IKBIP: variants seen among roughly 807,000 people sequenced by gnomAD.
IKBIP encodes the protein IKBKB interacting protein.
IKBIP carries 28 observed loss-of-function variants against 31.0 expected under a neutral mutation model. The ratio of observed to expected loss-of-function variants is 0.90; its 90% confidence interval spans 0.67 to 1.24. IKBIP has a LOEUF of 1.24. Ranked by LOEUF, IKBIP falls within the 50% of genes most tolerant of loss-of-function variation. The pLI is 0.00. For missense variants in IKBIP, 453 were observed against 441.9 expected (o/e 1.03, Z -0.23); for synonymous variants, 164 against 160.3 (o/e 1.02, Z -0.17).
At chr12:98,627,439 CTTTTTTTT>C (rs11314734) in intron 2 of IKBIP, among the ~76,000 whole-genome samples, 1 of 119,634 alleles carries the variant, frequency 8.4e-6, no homozygotes, top group Non-Finnish European at 1.7e-5. Flanking sequence ...TTTTCTTTTT[CTTTTTTTT>C]TTTTTTTTTG....
At chr12:98,643,812 G>GTTTTTTTTTTT (rs773132320) in intron 1 of IKBIP, among the ~76,000 whole-genome samples, 3 of 131,106 alleles carry the variant, frequency 2.3e-5, no homozygotes, top group African/African-American at 8.6e-5. Context: ...TAATGATATG[G>GTTTTTTTTTTT]TTTTCTTTTT....
chr12:98,614,251 T>TA lies in IKBIP; in HGVS notation c.386dup (p.Thr131AsnfsTer5). 1 of 1,612,786 alleles carries TA rather than the reference T, an allele frequency of 6.2e-7. No individual in the cohort carries two copies. The highest frequency in any genetic ancestry group is 8.5e-7 in the Non-Finnish European group (1 of 1,179,138). ...CAGTTATCCTATTGGACCAAGTTTTTACCTCATTAATTTCTTCCTGTAGAC... is the reference window on the plus strand; with the variant it reads ...CAGTTATCCTATTGGACCAAGTTTTTAACCTCATTAATTTCTTCCTGTAGAC... On this transcript the variant is annotated frameshift_variant, in exon 3 of 3. Transcript: ENST00000342502. LOFTEE classifies it high-confidence loss of function.
chr12:98,618,737 C>T (rs1388583736), intron 2 of IKBIP, among the ~76,000 whole-genome samples: 1 of 152,150 alleles, frequency 6.6e-6, no homozygotes, highest in Non-Finnish European at 1.5e-5. Flanking sequence ...GCGTGAGCCA[C>T]CACACCTAGC....
rs745976866 is a variant in IKBIP, at chr12:98,626,395, ATCT to A, written c.666_668del (p.Glu222del). On this transcript the variant is annotated inframe_deletion, in exon 3 of 3. Coordinates refer to ENST00000299157, the MANE Select transcript of IKBIP (RefSeq NM_153687.4). The stretch of plus-strand genomic sequence containing the variant: ...CTAGCTGCTCCTCTACTCGCAGGAG[ATCT>A]TCTTCTTCTTGTCTTTTTACTGTTC... The A allele has an allele frequency of 1.8e-3, 2,892 of 1,613,514 alleles. 8 individuals carry two copies. Among genetic ancestry groups the A allele is most frequent in the Non-Finnish European group, 2.1e-3 (2,536 of 1,179,974 alleles).
At chr12:98,629,913 C>T (rs2097618336) in intron 2 of IKBIP, among the ~76,000 whole-genome samples, 1 of 152,106 alleles carries the variant, frequency 6.6e-6, no homozygotes, top group Non-Finnish European at 1.5e-5. Flanking sequence ...CCAACATATT[C>T]TAATCGTTTT....
Position 98,644,508 on chromosome 12 carries a change from C to T in IKBIP, c.179+15G>A. On this transcript the variant is annotated intron_variant, in intron 1 of 2. Transcript: ENST00000299157. ...CCCACAGGAGGCCGGCCCAGGCAGC[C>T]TCGCGTCCACTTACCAGGCCAGGCC... 6.3e-7 allele frequency: 1 copy of T among 1,575,872 alleles called. No individual in the cohort carries two copies. The highest frequency in any genetic ancestry group is 2.4e-5 in the East Asian group (1 of 42,438).
Position 98,634,293 on chromosome 12 carries a change from TA to T in IKBIP, c.297+2del, listed in dbSNP as rs1462394939. On this transcript the variant is annotated splice_donor_variant, in intron 2 of 2. Coordinates refer to ENST00000299157, the MANE Select transcript of IKBIP (RefSeq NM_153687.4). LOFTEE classifies it high-confidence loss of function. ...CGTCCCAGATAAGCCAATTAATGAT[TA>T]CCTTTTCTGAAATTAAACTGATTTT... The T allele has an allele frequency of 2.9e-6, 4 of 1,386,730 alleles. No homozygotes were observed. The allele number at this position is 1,386,730 out of a possible 1,614,324, so 85.9% of individuals were successfully genotyped here. A position where few individuals can be genotyped will look rare whatever the true frequency, so the allele number is the denominator to read the frequency against.
Position 98,625,130 on chromosome 12 carries a change from T to C in IKBIP, c.*800A>G. On this transcript the variant is annotated 3_prime_UTR_variant, in exon 3 of 3. Transcript: ENST00000299157. ...ATTTAAGTAAACCATCTAGAGACCA[T>C]GGATCTAGCAAACTCATGTCTAACA... The C allele has an allele frequency of 5.1e-6, 5 of 985,292 alleles. No individual in the cohort carries two copies. Among genetic ancestry groups the C allele is most frequent in the South Asian group, 4.7e-5 (1 of 21,282 alleles). The allele number at this position is 985,292 out of a possible 1,614,324, so 61.0% of individuals were successfully genotyped here.
At chr12:98,633,539 C>T (rs553317453) in intron 2 of IKBIP, among the ~76,000 whole-genome samples, 19 of 80,194 alleles carry the variant, frequency 2.4e-4, no homozygotes, top group African/African-American at 5.5e-4. Flanking sequence ...TTTTTTGAGA[C>T]GGATCCTCGC....
At position 98,634,300 on chromosome 12, in the gene IKBIP, T is replaced by C. The variant is rs1037981915; in HGVS notation, c.293A>G (p.Glu98Gly). 9.6e-6 allele frequency: 14 copies of C among 1,451,670 alleles called. No homozygotes were observed. The highest frequency in any genetic ancestry group is 1.4e-5 in the Non-Finnish European group (14 of 1,034,316). 89.9% of individuals were successfully genotyped at this position (1,451,670 alleles called of 1,614,324 possible). ...QLQSKISLIS[E>G]KLESTESILQ... ...GATAAGCCAATTAATGATTACCTTTTCTGAAATTAAACTGATTTTACTTTG... is the reference window on the plus strand; with the variant it reads ...GATAAGCCAATTAATGATTACCTTTCCTGAAATTAAACTGATTTTACTTTG... The change falls in exon 2 of 3, where the codon GAA (glutamate) becomes GGA (glycine). Residue 98 changes from glutamate (E) to glycine (G), a missense_variant. By Grantham distance (98) the Glu-to-Gly change is moderately conservative. Coordinates refer to ENST00000299157, the MANE Select transcript of IKBIP (RefSeq NM_153687.4).
At chr12:98,637,296 T>C (rs1001055876) in intron 1 of IKBIP, among the ~76,000 whole-genome samples, 4 of 152,244 alleles carry the variant, frequency 2.6e-5, no homozygotes, top group Admixed American at 6.5e-5. Context: ...TGAAGTGATA[T>C]GTGCTGTGCT....
At chr12:98,635,681 G>A (rs907425760) in intron 1 of IKBIP, among the ~76,000 whole-genome samples, 3 of 152,152 alleles carry the variant, frequency 2.0e-5, no homozygotes, top group Non-Finnish European at 2.9e-5. Flanking sequence ...AACAAGAGTC[G>A]TCTATAAAAA....
At position 98,626,681 on chromosome 12, in the gene IKBIP, T is replaced by C. The variant is rs745743337; in HGVS notation, c.383A>G (p.Gln128Arg). ...ATTTTGAATGTCATGCATGATATCT[T>C]GGAGGTTGGATACTTCCTGCTCAAA... Reference protein sequence around the residue: ...TQFEQEVSNLQDIMHDIQNNE... With the variant: ...TQFEQEVSNLRDIMHDIQNNE... Residue 128 changes from glutamine to arginine, a missense_variant, in exon 3 of 3, where the codon CAA becomes CGA. Physicochemically the swap from Gln to Arg is conservative, Grantham distance 43 (BLOSUM62 1). Coordinates refer to ENST00000299157, the MANE Select transcript of IKBIP (RefSeq NM_153687.4). 1.7e-5 allele frequency: 27 copies of C among 1,613,956 alleles called. No homozygotes were observed. In the African/African-American group the frequency reaches 2.8e-4, roughly 17 times the overall value.
chr12:98,634,289 T>A lies in IKBIP; in HGVS notation c.297+7A>T. 7.4e-7 allele frequency: 1 copy of A among 1,350,686 alleles called. No homozygotes were observed. Among genetic ancestry groups the A allele is most frequent in the South Asian group, 1.2e-5 (1 of 84,482 alleles). 83.7% of individuals were successfully genotyped at this position (1,350,686 alleles called of 1,614,324 possible). On this transcript the variant is annotated splice_region_variant and intron_variant, in intron 2 of 2. Transcript: ENST00000299157. ...AAACCGTCCCAGATAAGCCAATTAA[T>A]GATTACCTTTTCTGAAATTAAACTG...
rs754300269 is a variant in IKBIP, at chr12:98,626,382, C to G, written c.682G>C (p.Glu228Gln). ...TTTGTATCAGAGCCTAGCTGCTCCT[C>G]TACTCGCAGGAGATCTTCTTCTTCT... ...RQEEEDLLRV[E>Q]EQLGSDTKAI... The change falls in exon 3 of 3, where the codon GAG becomes CAG. Residue 228 changes from glutamate to glutamine, a missense_variant. Transcript: ENST00000299157. 2 of 1,613,950 alleles carry G rather than the reference C, an allele frequency of 1.2e-6. No individual in the cohort carries two copies. Among genetic ancestry groups the G allele is most frequent in the Non-Finnish European group, 1.7e-6 (2 of 1,180,036 alleles).
rs373814052 is a variant in IKBIP at position 98,613,725 on chromosome 12, T to C, written c.913A>G (p.Ile305Val). 93 of 1,612,692 alleles carry C rather than the reference T, an allele frequency of 5.8e-5. No homozygotes were observed. Among genetic ancestry groups the C allele is most frequent in the Non-Finnish European group, 6.8e-5 (80 of 1,179,508 alleles). Residue 305 changes from isoleucine to valine, a missense_variant, in exon 3 of 3, where the codon ATT (isoleucine) becomes GTT (valine). By Grantham distance (29) the Ile-to-Val change is conservative (BLOSUM62 3). Coordinates refer to the IKBIP transcript ENST00000342502. Reference sequence around the variant, plus strand: ...AGTAAGTCGGTAACCAATCTCCCAATGCGTAGTGTTAAATCATTTACTAAT... The same window carrying C: ...AGTAAGTCGGTAACCAATCTCCCAACGCGTAGTGTTAAATCATTTACTAAT...
chr12:98,643,882 C>T (rs1051389807), intron 1 of IKBIP, among the ~76,000 whole-genome samples: 1 of 145,154 alleles, frequency 6.9e-6, no homozygotes, highest in Non-Finnish European at 1.5e-5. Flanking sequence ...GTGATGCGAT[C>T]TTGGCTCATA....
At chr12:98,639,852 T>A (rs1359035102) in intron 1 of IKBIP, among the ~76,000 whole-genome samples, 1 of 152,356 alleles carries the variant, frequency 6.6e-6, no homozygotes, top group Non-Finnish European at 1.5e-5. Flanking sequence ...TAGCCCTATG[T>A]TTCATACCAT....
downstream of IKBIP, among the ~76,000 whole-genome samples, chr12:98,619,973 C>T (rs1253932736): frequency 6.7e-6 from 1 of 148,786 alleles, no homozygotes; most frequent in Non-Finnish European, 1.5e-5. Flanking sequence ...GGCTGGAGTG[C>T]AGTGGTGCAA....
Sources: allele counts gnomAD v4.1 joint callset (sites outside exome capture counted in the v4.1 genomes callset), GRCh38; gene constraint gnomAD v4.1.1; transcripts MANE v1.5; gene names NCBI Gene and HGNC (gene_info 2026-07-23, HGNC 2026-07-21).